The following PPTC7 variants were observed in gnomAD, a reference collection of about 807,000 sequenced individuals.
PPTC7 encodes protein phosphatase targeting COQ7.
Under a neutral mutation model 30.8 loss-of-function variants are expected in PPTC7, and 6 were observed. The observed-to-expected ratio is 0.19, with a 90% CI of 0.11 to 0.38. The LOEUF (loss-of-function observed/expected upper bound fraction) is 0.38, where lower values mean the gene tolerates loss of function less well. Among genes scored for constraint, PPTC7 ranks in the 10% least tolerant of loss-of-function variants. PPTC7 has a pLI of 1.00. For synonymous variants in PPTC7, 163 were observed against 168.1 expected (o/e 0.97, Z 0.23); for missense variants, 218 against 404.8 (o/e 0.54, Z 3.96).
At chr12:110,548,664 TTGAAAATTCTGC>T (rs1308417982) in intron 2 of PPTC7, among the ~76,000 whole-genome samples, 1 of 152,232 alleles carries the variant, frequency 6.6e-6, no homozygotes, top group Non-Finnish European at 1.5e-5. Flanking sequence ...TAGCACATCC[TTGAAAATTCTGC>T]TGCAAGAAGG....
chr12:110,557,191 T>A (rs2064396149), intron 1 of PPTC7, among the ~76,000 whole-genome samples: 1 of 152,184 alleles, frequency 6.6e-6, no homozygotes, highest in Admixed American at 6.5e-5. Flanking sequence ...TTGTTTGGAT[T>A]GAGAAGTGCT....
At chr12:110,581,055 T>C (rs2135801356) in intron 1 of PPTC7, among the ~76,000 whole-genome samples, 1 of 152,208 alleles carries the variant, frequency 6.6e-6, no homozygotes, top group East Asian at 1.9e-4. Flanking sequence ...CAGCCCAGCA[T>C]ACAGATTTAT....
At chr12:110,546,278 G>T in intron 2 of PPTC7, 200 bp from the exon 3 acceptor site, 1 of 579,522 alleles carries the variant, frequency 1.7e-6, no homozygotes, top group Non-Finnish European at 3.1e-6. Flanking sequence ...GAAAGAAAAA[G>T]GATTTGTATT....
At position 110,536,853 on chromosome 12, in the gene PPTC7, G is replaced by T; in HGVS notation, c.*184C>A. ...CTTCAATTGCTGCCGGCAGATATGA[G>T]CTAGTGAATGATAGTAGTGGTTCTC... On this transcript the variant is annotated 3_prime_UTR_variant, in exon 6 of 6. Coordinates refer to ENST00000354300, the MANE Select transcript of PPTC7 (RefSeq NM_139283.2). The T allele has an allele frequency of 1.8e-6, 1 of 558,382 alleles. No homozygotes were observed. The highest frequency in any genetic ancestry group is 3.0e-5 in the South Asian group (1 of 32,964). 34.6% of individuals were successfully genotyped at this position (558,382 alleles called of 1,614,324 possible). A position where few individuals can be genotyped will look rare whatever the true frequency, so the allele number is the denominator to read the frequency against.
chr12:110,552,116 A>G, intron 1 of PPTC7, 148 bp from the exon 2 acceptor site: 1 of 657,388 alleles, frequency 1.5e-6, no homozygotes, highest in Non-Finnish European at 2.6e-6. Context: ...CTCACGTTTA[A>G]TGTATTCTAC....
chr12:110,557,734 A>G (rs1010068709), intron 1 of PPTC7, among the ~76,000 whole-genome samples: 1 of 152,242 alleles, frequency 6.6e-6, no homozygotes, highest in Non-Finnish European at 1.5e-5. Context: ...TCATGCTGCT[A>G]TGAAGAAATA....
chr12:110,544,609 G>A (rs985071468), intron 3 of PPTC7, among the ~76,000 whole-genome samples: 15 of 152,216 alleles, frequency 9.9e-5, no homozygotes, highest in African/African-American at 3.6e-4. Flanking sequence ...GCCGAGGCGG[G>A]TGGATCACGA....
Position 110,538,177 on chromosome 12 carries a change from G to T in PPTC7, c.823C>A (p.Gln275Lys). ...TTCAATCCATTGTCACATGCAAACT[G>T]TGCAAAAGGTGACATATAATTTGGG... ...YDPNYMSPFAQFACDNGLNVR... is the reference protein window; with the variant it reads ...YDPNYMSPFAKFACDNGLNVR... Residue 275 changes from glutamine (Q) to lysine (K), a missense_variant, in exon 5 of 6, where the codon CAG becomes AAG. Gln to Lys is a moderately conservative substitution (Grantham distance 53). Transcript: ENST00000354300. The T allele has an allele frequency of 6.2e-7, 1 of 1,614,176 alleles. No individual in the cohort carries two copies.
At chr12:110,563,720 ATAGT>A (rs949104638) in intron 1 of PPTC7, among the ~76,000 whole-genome samples, 1 of 152,258 alleles carries the variant, frequency 6.6e-6, no homozygotes, top group African/African-American at 2.4e-5. Flanking sequence ...TCCAAACAAA[ATAGT>A]TAGCTATTCC....
chr12:110,567,769 G>A (rs375149187), intron 1 of PPTC7, among the ~76,000 whole-genome samples: 6 of 152,158 alleles, frequency 3.9e-5, no homozygotes, highest in African/African-American at 1.2e-4. Flanking sequence ...TACCTTCCAT[G>A]TAATATGTAT....
intron 3 of PPTC7, among the ~76,000 whole-genome samples, chr12:110,543,438 A>G (rs1185594850): frequency 6.6e-6 from 1 of 151,746 alleles, no homozygotes; most frequent in Non-Finnish European, 1.5e-5. Context: ...GCAGCATGAA[A>G]AAAAAAAAAG....
chr12:110,553,338 G>C (rs2064363334), intron 1 of PPTC7, among the ~76,000 whole-genome samples: 1 of 151,806 alleles, frequency 6.6e-6, no homozygotes, highest in African/African-American at 2.4e-5. Context: ...AGTAGAGAAG[G>C]GGTTCACCGT....
At chr12:110,538,584 C>T (rs1325010276) in intron 4 of PPTC7, among the ~76,000 whole-genome samples, 2 of 152,166 alleles carry the variant, frequency 1.3e-5, no homozygotes, top group Non-Finnish European at 2.9e-5. Flanking sequence ...TTGAAGGATA[C>T]CTCAAAAGCT....
intron 2 of PPTC7, among the ~76,000 whole-genome samples, chr12:110,550,623 C>T (rs2064343297): frequency 6.6e-6 from 1 of 152,096 alleles, no homozygotes; most frequent in East Asian, 1.9e-4. Context: ...CGTAATAATA[C>T]CCTCTCTGAG....
intron 2 of PPTC7, among the ~76,000 whole-genome samples, chr12:110,548,869 C>T (rs144323377): frequency 1.3e-5 from 2 of 152,288 alleles, no homozygotes; most frequent in South Asian, 2.1e-4. Context: ...GTGTACCCTC[C>T]TCTTTTGCCT....
Position 110,546,046 on chromosome 12 carries a change from T to C in PPTC7, c.436A>G (p.Arg146Gly), listed in dbSNP as rs1038063622. 7 of 1,614,030 alleles carry C rather than the reference T, an allele frequency of 4.3e-6. No individual in the cohort carries two copies. Among genetic ancestry groups the C allele is most frequent in the Non-Finnish European group, 5.9e-6 (7 of 1,180,046 alleles). Residue 146 changes from arginine to glycine, a missense_variant, in exon 3 of 6, where the codon AGA (arginine) becomes GGA (glycine). Coordinates refer to ENST00000354300, the MANE Select transcript of PPTC7 (RefSeq NM_139283.2). ...GCTGTGTGTAAGCGGTGGCTGGTTCTGTCCAGCACCACAATGCAGGCGGTG... is the reference window on the plus strand; with the variant it reads ...GCTGTGTGTAAGCGGTGGCTGGTTCCGTCCAGCACCACAATGCAGGCGGTG... ...SSTACIVVLD[R>G]TSHRLHTANL...
Position 110,553,139 on chromosome 12 carries a change from C to T in PPTC7, c.224-1171G>A, listed in dbSNP as rs1219901878. Among the ~76,000 whole-genome samples, 9 of 148,456 alleles carry T rather than the reference C, an allele frequency of 6.1e-5. No homozygotes were observed. The South Asian group carries it at 6.9e-4, about 11-fold the overall frequency. On this transcript the variant is annotated intron_variant, in intron 1 of 5. Coordinates refer to ENST00000354300, the MANE Select transcript of PPTC7 (RefSeq NM_139283.2). ...TGGAGGTTGCGGTGAGCCGAGATCG[C>T]GCCATTGCATCCCACCCTGGGCAAC...
In PPTC7 at chr12:110,558,540, G is replaced by A. The variant is rs368115368; in HGVS notation, c.224-6572C>T. ...CAAAATCCAATTAAAATCACTATTA[G>A]ATTAAGATAATGGTTACATATCAGA... is the stretch of plus-strand genomic sequence containing the variant. On this transcript the variant is annotated intron_variant, in intron 1 of 5. Coordinates refer to ENST00000354300, the MANE Select transcript of PPTC7 (RefSeq NM_139283.2). Among the ~76,000 whole-genome samples, 18 of 152,342 alleles carry A rather than the reference G, an allele frequency of 1.2e-4. No individual in the cohort carries two copies. The East Asian group carries it at 2.7e-3, about 23-fold the overall frequency.
intron 3 of PPTC7, among the ~76,000 whole-genome samples, chr12:110,541,867 C>T (rs991339575): frequency 1.3e-5 from 2 of 151,254 alleles, no homozygotes; most frequent in African/African-American, 4.9e-5. Context: ...ATATCTTGAC[C>T]AGGCGTGGTG....
Sources: allele counts gnomAD v4.1 joint callset (sites outside exome capture counted in the v4.1 genomes callset), GRCh38; gene constraint gnomAD v4.1.1; transcripts MANE v1.5; gene names NCBI Gene and HGNC (gene_info 2026-07-23, HGNC 2026-07-21).